The following AUTS2 variants were observed in gnomAD, a reference collection of about 807,000 sequenced individuals.
AUTS2 encodes the protein activator of transcription and developmental regulator AUTS2, also known as autism susceptibility gene 2 protein.
AUTS2 carries 17 observed loss-of-function variants against 112.4 expected under a neutral mutation model. That is an observed-to-expected ratio of 0.15 (90% CI 0.10 to 0.23). The LOEUF (loss-of-function observed/expected upper bound fraction) is 0.23, where lower values mean the gene tolerates loss of function less well. Among genes scored for constraint, AUTS2 ranks in the 10% least tolerant of loss-of-function variants. The probability of loss-of-function intolerance (pLI) is 1.00; values close to 1 mark genes in which losing one functional copy is unlikely to be tolerated. For synonymous variants in AUTS2, 751 were observed against 702.7 expected, an observed-to-expected ratio of 1.07 and a Z score of -1.09; for missense variants, 1,510 against 1,701.6, an observed-to-expected ratio of 0.89 and a Z score of 1.98.
At chr7:70,136,975 A>C (rs1806597903) in intron 4 of AUTS2, among the ~76,000 whole-genome samples, 1 of 152,236 alleles carries the variant, frequency 6.6e-6, no homozygotes, top group Admixed American at 6.5e-5. Flanking sequence ...GCATGCACAC[A>C]CACGCATACA....
chr7:70,653,284 C>T (rs1481611648), intron 5 of AUTS2, among the ~76,000 whole-genome samples: 1 of 152,136 alleles, frequency 6.6e-6, no homozygotes, highest in Non-Finnish European at 1.5e-5. Flanking sequence ...TTTATATTTT[C>T]TCTTTGGAAA....
chr7:70,505,736 G>A (rs1342466183), intron 5 of AUTS2, among the ~76,000 whole-genome samples: 2 of 152,144 alleles, frequency 1.3e-5, no homozygotes, highest in Admixed American at 1.3e-4. Context: ...AATGCAGCTG[G>A]AGAATTTAAG....
chr7:70,032,036 A>T (rs1190430410), intron 2 of AUTS2, among the ~76,000 whole-genome samples: 1 of 152,174 alleles, frequency 6.6e-6, no homozygotes, highest in African/African-American at 2.4e-5. Flanking sequence ...AGTCGGGGTT[A>T]ACGTTTCTGA....
chr7:70,168,611 C>T (rs1453817793), intron 4 of AUTS2, among the ~76,000 whole-genome samples: 5 of 152,188 alleles, frequency 3.3e-5, no homozygotes, highest in Admixed American at 6.5e-5. Context: ...GCCAGTGCAC[C>T]TGGCCTGCTC....
At chr7:70,614,808 C>A (rs2129534824) in intron 5 of AUTS2, among the ~76,000 whole-genome samples, 1 of 152,336 alleles carries the variant, frequency 6.6e-6, no homozygotes, top group African/African-American at 2.4e-5. Context: ...GAAAGCCTAG[C>A]CAGCTGGCAC....
chr7:70,137,064 C>A (rs926014550), intron 4 of AUTS2, among the ~76,000 whole-genome samples: 1 of 152,112 alleles, frequency 6.6e-6, no homozygotes. Flanking sequence ...AAAGGAGAAG[C>A]CTTTGTTTTT....
At chr7:70,273,849 T>G (rs1434467423) in intron 4 of AUTS2, among the ~76,000 whole-genome samples, 1 of 152,196 alleles carries the variant, frequency 6.6e-6, no homozygotes, top group Non-Finnish European at 1.5e-5. Context: ...CCCATGTGGT[T>G]CAAGGGTCAA....
At chr7:69,771,908 C>A (rs1456392176) in intron 1 of AUTS2, among the ~76,000 whole-genome samples, 1 of 151,894 alleles carries the variant, frequency 6.6e-6, no homozygotes, top group South Asian at 2.1e-4. Context: ...TCTCAGCCTC[C>A]CGAGTAGCTG....
chr7:69,907,437 G>T (rs1795192385), intron 2 of AUTS2, among the ~76,000 whole-genome samples: 1 of 152,158 alleles, frequency 6.6e-6, no homozygotes, highest in Non-Finnish European at 1.5e-5. Flanking sequence ...ACTAAAAGCT[G>T]TGGATGTTCA....
intron 4 of AUTS2, among the ~76,000 whole-genome samples, chr7:70,255,104 C>T (rs1229780170): frequency 7.2e-6 from 1 of 139,394 alleles, no homozygotes; most frequent in Non-Finnish European, 1.5e-5. Flanking sequence ...GACGGAGTCT[C>T]ACTCTGTCGC....
intron 2 of AUTS2, among the ~76,000 whole-genome samples, chr7:70,027,020 A>G (rs1800552430): frequency 6.6e-6 from 1 of 152,008 alleles, no homozygotes; most frequent in South Asian, 2.1e-4. Flanking sequence ...AAAGTGTGAC[A>G]TATTCAGTAC....
At chr7:69,708,288 C>T (rs562015145) in intron 1 of AUTS2, among the ~76,000 whole-genome samples, 60 of 139,586 alleles carry the variant, frequency 4.3e-4, no homozygotes, top group African/African-American at 1.5e-3. Context: ...CATGGATGAT[C>T]GAAAGAAAAA....
intron 2 of AUTS2, among the ~76,000 whole-genome samples, chr7:70,076,718 G>T (rs1803053164): frequency 6.6e-6 from 1 of 152,178 alleles, no homozygotes; most frequent in African/African-American, 2.4e-5. Flanking sequence ...GATCCCAAAA[G>T]GCCTTAGGAT....
At chr7:70,423,436 A>G (rs1468331202) in intron 4 of AUTS2, among the ~76,000 whole-genome samples, 1 of 152,232 alleles carries the variant, frequency 6.6e-6, no homozygotes, top group Admixed American at 6.5e-5. Context: ...AGTGTTTTTA[A>G]TATCCATTCT....
intron 4 of AUTS2, among the ~76,000 whole-genome samples, chr7:70,367,373 G>A (rs531578543): frequency 3.3e-5 from 5 of 152,006 alleles, no homozygotes; most frequent in African/African-American, 9.6e-5. Context: ...TAGTTAACAC[G>A]GTGAAACCCC....
chr7:70,109,474 G>A (rs1318013279), intron 2 of AUTS2, among the ~76,000 whole-genome samples: 1 of 151,972 alleles, frequency 6.6e-6, no homozygotes, highest in Non-Finnish European at 1.5e-5. Context: ...TACATCTTTT[G>A]TACATTTCTA....
At position 70,041,504 on chromosome 7, in the gene AUTS2, A is replaced by G. The variant is rs568764831; in HGVS notation, c.523-76628A>G. On this transcript the variant is annotated intron_variant, in intron 2 of 18. Transcript: ENST00000342771. ...AGTAGTTTCATTGATAGTAATTCAC[A>G]GTATAAGACTTGAAGCACAAAGCCT... Among the ~76,000 whole-genome samples, 3 of 152,358 alleles carry G rather than the reference A, an allele frequency of 2.0e-5. No individual in the cohort carries two copies. In the South Asian group the frequency reaches 6.2e-4, roughly 32 times the overall value.
At chr7:70,699,125 C>T (rs540018374) in intron 6 of AUTS2, 1 of 152,360 alleles carries the variant, frequency 6.6e-6, no homozygotes, top group African/African-American at 2.4e-5. Context: ...TAATTTCTTC[C>T]AAACCACGAT....
At chr7:70,621,985 T>A (rs1242295412) in intron 5 of AUTS2, among the ~76,000 whole-genome samples, 1 of 151,592 alleles carries the variant, frequency 6.6e-6, no homozygotes. Context: ...TAACTGGGAC[T>A]ACAGGTGTGC....
Sources: allele counts gnomAD v4.1 joint callset (sites outside exome capture counted in the v4.1 genomes callset), GRCh38; gene constraint gnomAD v4.1.1; transcripts MANE v1.5; gene names NCBI Gene and HGNC (gene_info 2026-07-23, HGNC 2026-07-21).